The following CEP350 variants were observed in gnomAD, a reference collection of about 807,000 sequenced individuals.
CEP350 encodes the protein centrosomal protein 350, also known as centrosome-associated protein 350.
Under a neutral mutation model 331.8 loss-of-function variants are expected in CEP350, and 126 were observed. That is an observed-to-expected ratio of 0.38 (90% confidence interval 0.33 to 0.44). The LOEUF (loss-of-function observed/expected upper bound fraction) is 0.44. Ranked by LOEUF, CEP350 falls within the 20% of genes least tolerant of loss-of-function variation. The pLI is 1.00. For synonymous variants in CEP350, 1,200 were observed against 1,259.5 expected, an observed-to-expected ratio of 0.95 and a Z score of 1.00; for missense variants, 3,406 against 3,634.6, an observed-to-expected ratio of 0.94 and a Z score of 1.62.
intron 30 of CEP350, among the ~76,000 whole-genome samples, chr1:180,082,066 A>C (rs1167433206): frequency 1.3e-5 from 2 of 152,172 alleles, no homozygotes; most frequent in African/African-American, 4.8e-5. Context: ...TCTCTTACTT[A>C]CCGGTGACTT....
chr1:180,057,099 CT>C (rs1184545742), intron 25 of CEP350, among the ~76,000 whole-genome samples: 263 of 137,660 alleles, frequency 1.9e-3, no homozygotes, highest in Admixed American at 4.7e-3. Context: ...ACTTTTCTTT[CT>C]TTTTTTTTTT....
chr1:179,955,341 TG>T (rs762660306), intron 1 of CEP350, among the ~76,000 whole-genome samples, 199 bp downstream of exon 1: 15 of 152,172 alleles, frequency 9.9e-5, no homozygotes, highest in Non-Finnish European at 1.8e-4. Context: ...GTCCCACCAG[TG>T]CCTGCTGAAG....
At chr1:180,021,987 A>G (rs1404141774) in intron 12 of CEP350, among the ~76,000 whole-genome samples, 1 of 152,146 alleles carries the variant, frequency 6.6e-6, no homozygotes, top group African/African-American at 2.4e-5. Context: ...CCCATTTTAT[A>G]CTAACATTAT....
At chr1:179,982,021 GA>G in intron 1 of CEP350, among the ~76,000 whole-genome samples, 1 of 151,966 alleles carries the variant, frequency 6.6e-6, no homozygotes, top group East Asian at 1.9e-4. Context: ...TCAAAAACTA[GA>G]ATTATAAACC....
At chr1:179,963,813 C>G (rs1024550302) in intron 1 of CEP350, among the ~76,000 whole-genome samples, 1 of 151,834 alleles carries the variant, frequency 6.6e-6, no homozygotes, top group Admixed American at 6.6e-5. Context: ...TATTCAGGCT[C>G]TTTTTTGGTT....
intron 14 of CEP350, 88 bp downstream of exon 14, chr1:180,024,670 TAGA>T: frequency 7.2e-7 from 1 of 1,383,808 alleles, no homozygotes; most frequent in Non-Finnish European, 9.5e-7. Context: ...CATAAGAAGT[TAGA>T]AGAATTTCTT....
At position 180,113,575 on chromosome 1, in the gene CEP350, AAAG is replaced by A. The variant is rs1359757367; in HGVS notation, c.*2417_*2419del. On this transcript the variant is annotated 3_prime_UTR_variant, in exon 38 of 38. Coordinates refer to ENST00000367607, the MANE Select transcript of CEP350 (RefSeq NM_014810.5). ...TTATCTGTAGTTTGGTAGCAAAAAA[AAAG>A]AAAAAAGAATCCATAATTAGCAGAT... 2 of 151,906 alleles carry A rather than the reference AAAG, an allele frequency of 1.3e-5. No homozygotes were observed. The highest frequency in any genetic ancestry group is 2.9e-5 in the Non-Finnish European group (2 of 67,924). 9.4% of individuals were successfully genotyped at this position (151,906 alleles called of 1,614,324 possible). A position where few individuals can be genotyped will look rare whatever the true frequency, so the allele number is the denominator to read the frequency against.
chr1:180,108,646 T>TATTA (rs779411245), intron 37 of CEP350, among the ~76,000 whole-genome samples: 14 of 152,346 alleles, frequency 9.2e-5, no homozygotes, highest in East Asian at 7.7e-4. Context: ...AGAAGTCTTA[T>TATTA]ATTAGGCTGT....
In CEP350 at chr1:180,022,818, C is replaced by G; in HGVS notation, c.3356C>G (p.Ser1119Trp). ...DFVSSPGTGT[S>W]TEKKSTLEPH... The stretch of plus-strand genomic sequence containing the variant: ...GTCTCCTCTCCAGGGACTGGGACTT[C>G]GACAGAAAAAAAATCAACTCTTGAA... Residue 1119 changes from serine (S) to tryptophan (W), a missense_variant, in exon 13 of 38, where the codon TCG (serine) becomes TGG (tryptophan). Transcript: ENST00000367607. 3 of 1,591,360 alleles carry G rather than the reference C, an allele frequency of 1.9e-6. No individual in the cohort carries two copies. Among genetic ancestry groups the G allele is most frequent in the Non-Finnish European group, 2.6e-6 (3 of 1,167,862 alleles).
At chr1:180,036,013 A>G (rs1656330319) in intron 16 of CEP350, among the ~76,000 whole-genome samples, 1 of 152,246 alleles carries the variant, frequency 6.6e-6, no homozygotes, top group East Asian at 1.9e-4. Context: ...AAGGAGATCA[A>G]ACTATGAGCA....
chr1:180,016,740 C>A (rs1267140976), intron 11 of CEP350, among the ~76,000 whole-genome samples: 1 of 146,206 alleles, frequency 6.8e-6, no homozygotes, highest in Non-Finnish European at 1.5e-5. Context: ...TGGTTCACTG[C>A]AACCTCCGCC....
At chr1:180,033,563 A>G (rs1416490141) in intron 15 of CEP350, among the ~76,000 whole-genome samples, 3 of 152,170 alleles carry the variant, frequency 2.0e-5, no homozygotes, top group Non-Finnish European at 4.4e-5. Flanking sequence ...TGAGTGAATC[A>G]TAGTATATGT....
chr1:180,008,967 A>G (rs886349719), intron 8 of CEP350, among the ~76,000 whole-genome samples: 3 of 152,244 alleles, frequency 2.0e-5, no homozygotes, highest in Non-Finnish European at 4.4e-5. Flanking sequence ...AGATAAAAAA[A>G]TAAAATGTTA....
intron 3 of CEP350, among the ~76,000 whole-genome samples, 200 bp downstream of exon 3, chr1:179,987,486 T>C (rs925034038): frequency 6.8e-6 from 1 of 147,818 alleles, no homozygotes; most frequent in Admixed American, 6.8e-5. Flanking sequence ...TATATACTTA[T>C]ATACATAGTA....
chr1:180,087,714 A>T lies in CEP350; in HGVS notation c.6422A>T (p.His2141Leu). 6.6e-7 allele frequency: 1 copy of T among 1,518,192 alleles called. No individual in the cohort carries two copies. The highest frequency in any genetic ancestry group is 8.8e-7 in the Non-Finnish European group (1 of 1,133,718). The allele number at this position is 1,518,192 out of a possible 1,614,324, so 94.0% of individuals were successfully genotyped here. A position where few individuals can be genotyped will look rare whatever the true frequency, so the allele number is the denominator to read the frequency against. ...KPKIKPLTPL[H>L]RSETAKNWKS... ...AAGATCAAACCCCTCACACCACTAC[A>T]CAGGTAGAAATTTTTGATAACTTGT... Residue 2141 changes from histidine (H) to leucine (L), a missense_variant, in exon 32 of 38, where the codon CAC becomes CTC. This residue lies in a region of CEP350 where 1,415 missense variants were observed against 1,512.3 expected (regional missense o/e 0.94). Coordinates refer to ENST00000367607, the MANE Select transcript of CEP350 (RefSeq NM_014810.5).
Position 180,020,934 on chromosome 1 carries a change from T to A in CEP350, c.3160T>A (p.Trp1054Arg). 1 of 1,603,126 alleles carries A rather than the reference T, an allele frequency of 6.2e-7. No individual in the cohort carries two copies. The highest frequency in any genetic ancestry group is 1.7e-4 in the Middle Eastern group (1 of 5,990). ...HIGGTQSKGP[W>R]EELAKGSPHS... ...AGGTGGTACACAAAGCAAAGGACCA[T>A]GGGAAGAATTGGCAAAGGGAAGTCC... is the stretch of plus-strand genomic sequence containing the variant. The change falls in exon 12 of 38, where the codon TGG becomes AGG. Residue 1054 changes from tryptophan (W) to arginine (R), a missense_variant. By Grantham distance (101) the Trp-to-Arg change is moderately radical. Coordinates refer to ENST00000367607, the MANE Select transcript of CEP350 (RefSeq NM_014810.5).
chr1:179,967,895 ATGAAATACC>A (rs1558067613), intron 1 of CEP350, among the ~76,000 whole-genome samples: 2 of 152,304 alleles, frequency 1.3e-5, no homozygotes, highest in East Asian at 3.9e-4. Flanking sequence ...TTCATGTTAT[ATGAAATACC>A]TGGCTTCATA....
intron 1 of CEP350, among the ~76,000 whole-genome samples, chr1:179,980,372 G>A (rs1652186206): frequency 6.6e-6 from 1 of 150,986 alleles, no homozygotes; most frequent in Non-Finnish European, 1.5e-5. Flanking sequence ...AATCACTACT[G>A]ATTTTTGTAT....
chr1:180,104,501 C>G (rs1373745896), intron 37 of CEP350, among the ~76,000 whole-genome samples: 2 of 152,106 alleles, frequency 1.3e-5, no homozygotes, highest in Admixed American at 6.5e-5. Context: ...CCAAAGTTCT[C>G]TCATGGGGAT....
Sources: gnomAD v4.1 joint callset for allele counts (sites outside exome capture counted in the v4.1 genomes callset) on GRCh38, gnomAD v4.1.1 for gene constraint, gnomAD v4.1.1 regional missense constraint, MANE v1.5 for transcripts, NCBI Gene and HGNC (gene_info 2026-07-23, HGNC 2026-07-21) for gene names.